The following SYMPK variants were observed in gnomAD, a reference collection of about 807,000 sequenced individuals.
The protein encoded by SYMPK is symplekin.
In SYMPK, 49 loss-of-function variants were observed where a neutral mutation model predicts 136.4. The ratio of observed to expected loss-of-function variants is 0.36; its 90% CI spans 0.29 to 0.46. SYMPK has a LOEUF of 0.46. SYMPK is among the 20% of genes least tolerant of loss of function. SYMPK has a pLI of 1.00. For missense variants in SYMPK, 1,365 were observed against 1,690.0 expected (o/e 0.81, Z 3.37); for synonymous variants, 766 against 713.0 (o/e 1.07, Z -1.19).
chr19:45,816,520 G>C lies in SYMPK; in HGVS notation c.3316C>G (p.Pro1106Ala), dbSNP rs1234279275. 2.5e-6 allele frequency: 4 copies of C among 1,613,602 alleles called. No homozygotes were observed. Among genetic ancestry groups the C allele is most frequent in the Non-Finnish European group, 2.5e-6 (3 of 1,179,976 alleles). The change falls in exon 25 of 27, where the codon CCA (proline) becomes GCA (alanine). Residue 1106 changes from proline to alanine, a missense_variant. By Grantham distance (27) the Pro-to-Ala change is conservative. This residue lies in a region of SYMPK where 341 missense variants were observed against 270.5 expected (regional missense o/e 1.26). Coordinates refer to ENST00000245934, the MANE Select transcript of SYMPK (RefSeq NM_004819.3). ...TILEASGKQE[P>A]EAKEAPAGPL... ...CCCGCAGGCGCCTCCTTGGCCTCTG[G>C]CTCCTGCTTGCCGCTGGCCTCCAAG...
At chr19:45,817,335 A>T (rs1970770957) in intron 23 of SYMPK, among the ~76,000 whole-genome samples, 1 of 150,150 alleles carries the variant, frequency 6.7e-6, no homozygotes, top group Non-Finnish European at 1.5e-5. Flanking sequence ...CGGTGCCGGG[A>T]CCTGTCCTGG....
chr19:45,829,267 T>A, intron 13 of SYMPK, 62 bp from the exon 14 acceptor site: 1 of 1,436,080 alleles, frequency 7.0e-7, no homozygotes, highest in Non-Finnish European at 9.7e-7. Context: ...TCCGCAATCG[T>A]GCCCTGCGAC....
At chr19:45,827,296 G>C (rs986481592) in intron 16 of SYMPK, among the ~76,000 whole-genome samples, 1 of 152,224 alleles carries the variant, frequency 6.6e-6, no homozygotes, top group Non-Finnish European at 1.5e-5. Context: ...ACTACAGGCA[G>C]ACTCAGGCAC....
rs1393222938 is a variant in SYMPK at position 45,844,110 on chromosome 19, G to A, written c.767C>T (p.Ala256Val). 1.9e-6 allele frequency: 3 copies of A among 1,613,118 alleles called. No homozygotes were observed. Among genetic ancestry groups the A allele is most frequent in the Non-Finnish European group, 2.5e-6 (3 of 1,179,580 alleles). The change falls in exon 8 of 27, where the codon GCG (alanine) becomes GTG (valine). Residue 256 changes from alanine (A) to valine (V), a missense_variant. By Grantham distance (64) the Ala-to-Val change is moderately conservative. Coordinates refer to ENST00000245934, the MANE Select transcript of SYMPK (RefSeq NM_004819.3). The stretch of plus-strand genomic sequence containing the variant: ...GGCGATATTGGCAAGGGAGCCCAGC[G>A]CTGTGGTCAGGTTGATGGAGGAGAT... ...PAISSINLTTALGSLANIARQ... is the reference protein window; with the variant it reads ...PAISSINLTTVLGSLANIARQ...
At chr19:45,854,054 C>T (rs1971757679) in intron 3 of SYMPK, 121 bp downstream of exon 3, 1 of 938,066 alleles carries the variant, frequency 1.1e-6, no homozygotes, top group South Asian at 1.4e-5. Flanking sequence ...GCACTGAGCA[C>T]TGTGGCCGGC....
intron 7 of SYMPK, among the ~76,000 whole-genome samples, chr19:45,845,603 T>C (rs911070677): frequency 5.9e-5 from 9 of 152,212 alleles, no homozygotes; most frequent in Non-Finnish European, 1.3e-4. Context: ...ACTCTGTTGA[T>C]GAATACTTAG....
At chr19:45,859,251 G>A (rs1478264491) in intron 1 of SYMPK, among the ~76,000 whole-genome samples, 2 of 146,324 alleles carry the variant, frequency 1.4e-5, no homozygotes, top group South Asian at 2.2e-4. Flanking sequence ...AGCTATACTT[G>A]TTCTACTTTT....
intron 12 of SYMPK, 150 bp downstream of exon 12, chr19:45,831,234 G>A (rs1971164439): frequency 2.0e-6 from 1 of 490,676 alleles, no homozygotes; most frequent in Non-Finnish European, 3.4e-6. Flanking sequence ...CACTGACTCG[G>A]GAGTCAGAGA....
In SYMPK at chr19:45,815,832, C is replaced by A. The variant is rs776381839; in HGVS notation, c.3687+19G>T. The A allele has an allele frequency of 4.2e-5, 68 of 1,609,434 alleles. No individual in the cohort carries two copies. Among genetic ancestry groups the A allele is most frequent in the Non-Finnish European group, 5.3e-5 (62 of 1,178,612 alleles). On this transcript the variant is annotated intron_variant, in intron 26 of 26. Transcript: ENST00000245934. ...CCAGATCCGGCTTCTTCCTTCGCAGCGGAGGCTGCTCTCCCTACCTTGGGT... is the reference window on the plus strand; with the variant it reads ...CCAGATCCGGCTTCTTCCTTCGCAGAGGAGGCTGCTCTCCCTACCTTGGGT...
chr19:45,816,474 G>A lies in SYMPK; in HGVS notation c.3354+8C>T, dbSNP rs371046272. The A allele has an allele frequency of 9.9e-6, 16 of 1,609,326 alleles. No homozygotes were observed. In the African/African-American group the frequency reaches 1.9e-4, roughly 19 times the overall value. On this transcript the variant is annotated splice_region_variant and intron_variant, in intron 25 of 26. Coordinates refer to ENST00000245934, the MANE Select transcript of SYMPK (RefSeq NM_004819.3). ...GGGATCCAGATGGGTGGGCTGCAGG[G>A]CCCTCACCTCCTCCAAGGGCCCCGC...
intron 19 of SYMPK, 124 bp from the exon 20 acceptor site, chr19:45,823,596 C>A: frequency 9.9e-7 from 1 of 1,011,990 alleles, no homozygotes; most frequent in Non-Finnish European, 1.5e-6. Flanking sequence ...CTTGGCTGCT[C>A]ACGTGCAATT....
intron 12 of SYMPK, 121 bp from the exon 13 acceptor site, chr19:45,830,325 C>G (rs1971138452): frequency 1.8e-6 from 2 of 1,114,724 alleles, no homozygotes; most frequent in Non-Finnish European, 2.5e-6. Flanking sequence ...CCCCTGCTGC[C>G]TCTCCAGTTC....
chr19:45,830,220 G>A lies in SYMPK; in HGVS notation c.1599-16C>T, dbSNP rs752160912. 6.2e-7 allele frequency: 1 copy of A among 1,606,672 alleles called. No homozygotes were observed. Among genetic ancestry groups the A allele is most frequent in the East Asian group, 2.2e-5 (1 of 44,628 alleles). ...GCCTGCCAGCCTGTGTGGAAGAGCAGTGACAGAGATGCAGTGACCCAGACT... is the reference window on the plus strand; with the variant it reads ...GCCTGCCAGCCTGTGTGGAAGAGCAATGACAGAGATGCAGTGACCCAGACT... On this transcript the variant is annotated splice_polypyrimidine_tract_variant and intron_variant, in intron 12 of 26. Coordinates refer to ENST00000245934, the MANE Select transcript of SYMPK (RefSeq NM_004819.3).
intron 5 of SYMPK, among the ~76,000 whole-genome samples, chr19:45,849,088 C>G: frequency 6.6e-6 from 1 of 152,148 alleles, no homozygotes; most frequent in South Asian, 2.1e-4. Flanking sequence ...CTCCTTTGCT[C>G]TCTCAGGGCC....
chr19:45,825,389 C>A (rs1971017722), intron 17 of SYMPK, 58 bp from the exon 18 acceptor site: 1 of 1,569,372 alleles, frequency 6.4e-7, no homozygotes, highest in African/African-American at 1.4e-5. Context: ...CCCCCTCGGA[C>A]CCTCAGGAAT....
In SYMPK at chr19:45,815,943, C is replaced by G; in HGVS notation, c.3595G>C (p.Glu1199Gln). Residue 1199 changes from glutamate (E) to glutamine (Q), a missense_variant, in exon 26 of 27, where the codon GAG (glutamate) becomes CAG (glutamine). Transcript: ENST00000245934. Reference sequence around the variant, plus strand: ...ATGCTGATGAAGATGCCCGGGGTCTCGCACTCAGGCCCCTCCTCCCGGAAA... The same window carrying G: ...ATGCTGATGAAGATGCCCGGGGTCTGGCACTCAGGCCCCTCCTCCCGGAAA... Reference protein sequence around the residue: ...MDFREEGPECETPGIFISMDD... With the variant: ...MDFREEGPECQTPGIFISMDD... 6.2e-7 allele frequency: 1 copy of G among 1,611,558 alleles called. No individual in the cohort carries two copies. The highest frequency in any genetic ancestry group is 1.3e-5 in the African/African-American group (1 of 75,036).
Position 45,821,508 on chromosome 19 carries a change from T to C in SYMPK, c.2792-23A>G. 1 of 1,560,538 alleles carries C rather than the reference T, an allele frequency of 6.4e-7. No individual in the cohort carries two copies. ...CACCTGCAGCAGGCGGGAGGAAGGG[T>C]GGGGGAAGACAGTGCGGACGCATAA... On this transcript the variant is annotated intron_variant, in intron 21 of 26. Coordinates refer to ENST00000245934, the MANE Select transcript of SYMPK (RefSeq NM_004819.3). The surrounding 1 kb of genome is among the most constrained non-coding windows in gnomAD (Gnocchi z 4.4).
In SYMPK at chr19:45,827,627, C is replaced by A. The variant is rs753295146; in HGVS notation, c.2068-4G>T. The A allele has an allele frequency of 1.9e-6, 3 of 1,613,180 alleles. No homozygotes were observed. The highest frequency in any genetic ancestry group is 2.5e-6 in the Non-Finnish European group (3 of 1,179,266). On this transcript the variant is annotated splice_region_variant and splice_polypyrimidine_tract_variant and intron_variant, in intron 15 of 26. Coordinates refer to ENST00000245934, the MANE Select transcript of SYMPK (RefSeq NM_004819.3). ...ACATGCCCAGATAGGTGCGACTCTG[C>A]AGCAAAAGGAAAGGGACCCGAGCTC...
At chr19:45,837,021 A>T (rs1240692446) in intron 10 of SYMPK, among the ~76,000 whole-genome samples, 1 of 152,218 alleles carries the variant, frequency 6.6e-6, no homozygotes, top group Admixed American at 6.5e-5. Context: ...CTAAAGATTA[A>T]TGAGCCAATC....
Sources: gnomAD v4.1 joint callset for allele counts (sites outside exome capture counted in the v4.1 genomes callset) on GRCh38, gnomAD v4.1.1 for gene constraint, gnomAD v4.1.1 regional missense constraint, Gnocchi (gnomAD v3.1) non-coding constraint, MANE v1.5 for transcripts, NCBI Gene and HGNC (gene_info 2026-07-23, HGNC 2026-07-21) for gene names.